CTSO: variants seen among roughly 807,000 people sequenced by gnomAD.
CTSO encodes the protein cathepsin O.
A neutral mutation model predicts 42.4 loss-of-function variants in CTSO; 40 were observed. The ratio of observed to expected loss-of-function variants is 0.94; its 90% confidence interval spans 0.73 to 1.23. The LOEUF (loss-of-function observed/expected upper bound fraction) is 1.23. CTSO is among the 50% of genes most tolerant of loss of function. The pLI, the probability that CTSO is intolerant of heterozygous loss-of-function variation, is 0.00. For missense variants in CTSO, 441 were observed against 396.0 expected (o/e 1.11, Z -0.96); for synonymous variants, 156 against 146.2 (o/e 1.07, Z -0.48).
At position 155,943,243 on chromosome 4, in the gene CTSO, A is replaced by G; in HGVS notation, c.157T>C (p.Tyr53His). ...TCACTGGGAAATAAAGAATTCAAGT[A>G]TCGATGTCTATTAAGACTTTCCTAG... ...AFRESLNRHRYLNSLFPSENS... is the reference protein window; with the variant it reads ...AFRESLNRHRHLNSLFPSENS... The change falls in exon 2 of 8, where the codon TAC becomes CAC. Residue 53 changes from tyrosine (Y) to histidine (H), a missense_variant. By Grantham distance (83) the Tyr-to-His change is moderately conservative. Coordinates refer to ENST00000433477, the MANE Select transcript of CTSO (RefSeq NM_001334.3). 1 of 1,607,692 alleles carries G rather than the reference A, an allele frequency of 6.2e-7. No homozygotes were observed. The highest frequency in any genetic ancestry group is 1.7e-5 in the Admixed American group (1 of 59,946).
At chr4:155,951,059 G>T (rs1365781005) in intron 1 of CTSO, among the ~76,000 whole-genome samples, 1 of 152,026 alleles carries the variant, frequency 6.6e-6, no homozygotes, top group Admixed American at 6.6e-5. Flanking sequence ...TTATAAAGAT[G>T]CTATGGCCAT....
chr4:155,926,778 A>C (rs1743135365), intron 7 of CTSO, among the ~76,000 whole-genome samples: 3 of 151,872 alleles, frequency 2.0e-5, no homozygotes, highest in Non-Finnish European at 4.4e-5. Context: ...AATTATCTCC[A>C]CTCACCCTTA....
chr4:155,928,333 T>A lies in CTSO; in HGVS notation c.931+3A>T. The A allele has an allele frequency of 6.2e-7, 1 of 1,605,148 alleles. No individual in the cohort carries two copies. ...AGGTTTTAAACACAAACTCATGACT[T>A]ACCACAAACATTACTTCCCATTTTG... On this transcript the variant is annotated splice_donor_region_variant and intron_variant, in intron 7 of 7. Coordinates refer to ENST00000433477, the MANE Select transcript of CTSO (RefSeq NM_001334.3).
At chr4:155,947,338 A>C (rs1323075139) in intron 1 of CTSO, among the ~76,000 whole-genome samples, 1 of 152,194 alleles carries the variant, frequency 6.6e-6, no homozygotes, top group African/African-American at 2.4e-5. Context: ...TGGCAAAATA[A>C]ATGCTCAGTT....
chr4:155,937,307 A>G (rs1292608908), intron 5 of CTSO, 55 bp downstream of exon 5: 9 of 1,430,194 alleles, frequency 6.3e-6, no homozygotes, highest in Non-Finnish European at 8.8e-6. Context: ...TAACCAGTCA[A>G]TAGATCATAA....
At chr4:155,939,026 A>T (rs1743380856) in intron 4 of CTSO, among the ~76,000 whole-genome samples, 2 of 152,090 alleles carry the variant, frequency 1.3e-5, no homozygotes, top group Non-Finnish European at 2.9e-5. Flanking sequence ...AACATTCAGA[A>T]ATTCTATGAA....
intron 1 of CTSO, among the ~76,000 whole-genome samples, chr4:155,952,499 G>A (rs922096448): frequency 6.6e-6 from 1 of 152,174 alleles, no homozygotes; most frequent in African/African-American, 2.4e-5. Context: ...TTCCCCTAAG[G>A]GGTTTCGTTT....
chr4:155,929,505 G>T lies in CTSO; in HGVS notation c.838+37C>A, dbSNP rs747113984. ...TGATCATTTTGCACTCAGTGTCCAT[G>T]CTGGAAAGCAGTCAACTGAGTCTTA... On this transcript the variant is annotated intron_variant, in intron 6 of 7. Coordinates refer to ENST00000433477, the MANE Select transcript of CTSO (RefSeq NM_001334.3). 11 of 1,582,276 alleles carry T rather than the reference G, an allele frequency of 7.0e-6. No individual in the cohort carries two copies. In the Admixed American group the frequency reaches 8.8e-5, roughly 13 times the overall value.
At chr4:155,940,706 G>A in intron 3 of CTSO, among the ~76,000 whole-genome samples, 1 of 152,094 alleles carries the variant, frequency 6.6e-6, no homozygotes, top group South Asian at 2.1e-4. Flanking sequence ...AGCCAGGCAT[G>A]GTGGTGCGCA....
At chr4:155,952,601 C>T (rs937399344) in intron 1 of CTSO, among the ~76,000 whole-genome samples, 4 of 152,260 alleles carry the variant, frequency 2.6e-5, no homozygotes, top group African/African-American at 9.6e-5. Flanking sequence ...GTTTTGAAAG[C>T]TAGAACTGAA....
intron 1 of CTSO, among the ~76,000 whole-genome samples, chr4:155,951,936 A>G (rs571898015): frequency 6.6e-6 from 1 of 152,290 alleles, no homozygotes; most frequent in South Asian, 2.1e-4. Flanking sequence ...AATGTCTTCC[A>G]TGAATCCGGT....
intron 6 of CTSO, 28 bp downstream of exon 6, chr4:155,929,514 C>A (rs758078500): frequency 4.3e-5 from 69 of 1,592,260 alleles, no homozygotes; most frequent in Non-Finnish European, 5.7e-5. Context: ...TGCTGGAAAG[C>A]AGTCAACTGA....
In CTSO at chr4:155,939,394, T is replaced by G; in HGVS notation, c.529A>C (p.Asn177His). ...NYGCNGGSTL[N>H]ALNWLNKMQV... The stretch of plus-strand genomic sequence containing the variant: ...ACCTTGTTTAACCAGTTCAAAGCAT[T>G]GAGAGTAGAGCCTCCATTGCAGCCA... The change falls in exon 4 of 8, where the codon AAT becomes CAT. Residue 177 changes from asparagine (N) to histidine (H), a missense_variant. Asn to His is a moderately conservative substitution (Grantham distance 68, BLOSUM62 1). Coordinates refer to ENST00000433477, the MANE Select transcript of CTSO (RefSeq NM_001334.3). 6.2e-7 allele frequency: 1 copy of G among 1,613,552 alleles called. No homozygotes were observed. Among genetic ancestry groups the G allele is most frequent in the Non-Finnish European group, 8.5e-7 (1 of 1,179,616 alleles).
chr4:155,926,119 T>C, intron 7 of CTSO, 49 bp from the exon 8 acceptor site: 1 of 1,415,334 alleles, frequency 7.1e-7, no homozygotes, highest in Non-Finnish European at 9.7e-7. Context: ...TTAGATGCTT[T>C]TGAAATTGTA....
chr4:155,926,250 G>A (rs1286142442), intron 7 of CTSO, among the ~76,000 whole-genome samples, 180 bp from the exon 8 acceptor site: 1 of 151,876 alleles, frequency 6.6e-6, no homozygotes, highest in Admixed American at 6.6e-5. Context: ...GAAGAGATTA[G>A]GCATATTAGA....
intron 1 of CTSO, among the ~76,000 whole-genome samples, chr4:155,944,136 C>G (rs1743492372): frequency 6.6e-6 from 1 of 152,200 alleles, no homozygotes; most frequent in Non-Finnish European, 1.5e-5. Flanking sequence ...GAGACACTCA[C>G]TTAGCACATG....
rs1268366703 is a variant in CTSO at position 155,928,389 on chromosome 4, C to A, written c.878G>T (p.Ser293Ile). ...PYWIVRNSWG[S>I]SWGVDGYAHV... Reference sequence around the variant, plus strand: ...GGCATAACCATCTACTCCCCAAGAACTTCCCCAGGAATTCCGCACAATCCA... The same window carrying A: ...GGCATAACCATCTACTCCCCAAGAAATTCCCCAGGAATTCCGCACAATCCA... The change falls in exon 7 of 8, where the codon AGT becomes ATT. Residue 293 changes from serine to isoleucine, a missense_variant. Coordinates refer to ENST00000433477, the MANE Select transcript of CTSO (RefSeq NM_001334.3). The A allele has an allele frequency of 6.2e-7, 1 of 1,613,482 alleles. No homozygotes were observed. The highest frequency in any genetic ancestry group is 8.5e-7 in the Non-Finnish European group (1 of 1,179,658).
Position 155,939,541 on chromosome 4 carries a change from G to A in CTSO, c.385-3C>T. On this transcript the variant is annotated splice_polypyrimidine_tract_variant and splice_region_variant and intron_variant, in intron 3 of 7. Coordinates refer to ENST00000433477, the MANE Select transcript of CTSO (RefSeq NM_001334.3). ...CTGAAGGCCCAGCATCCTCCACACT[G>A]TTTAAAAACAGAAAAAGGGGTGGTA... The A allele has an allele frequency of 1.3e-6, 2 of 1,598,688 alleles. No individual in the cohort carries two copies. The highest frequency in any genetic ancestry group is 1.3e-5 in the African/African-American group (1 of 74,590).
At chr4:155,932,299 G>T (rs1336697891) in intron 5 of CTSO, among the ~76,000 whole-genome samples, 1 of 152,110 alleles carries the variant, frequency 6.6e-6, no homozygotes, top group African/African-American at 2.4e-5. Context: ...ATAGTGTTGG[G>T]AGTAAAAGCA....
Sources: allele counts gnomAD v4.1 joint callset (sites outside exome capture counted in the v4.1 genomes callset), GRCh38; gene constraint gnomAD v4.1.1; transcripts MANE v1.5; gene names NCBI Gene and HGNC (gene_info 2026-07-23, HGNC 2026-07-21).